The following PKD1L1 variants were observed in gnomAD, a reference collection of about 807,000 sequenced individuals.
PKD1L1 encodes polycystin-1-like protein 1.
A neutral mutation model predicts 323.4 loss-of-function variants in PKD1L1; 236 were observed. The ratio of observed to expected loss-of-function variants is 0.73; its 90% CI spans 0.66 to 0.81. PKD1L1 has a LOEUF of 0.81. Ranked by LOEUF, PKD1L1 falls within the 40% of genes least tolerant of loss-of-function variation. The probability of loss-of-function intolerance (pLI) is 0.00; values close to 1 mark genes in which losing one functional copy is unlikely to be tolerated. For synonymous variants in PKD1L1, 1,344 were observed against 1,335.0 expected, an observed-to-expected ratio of 1.01 and a Z score of -0.15; for missense variants, 3,320 against 3,508.0, an observed-to-expected ratio of 0.95 and a Z score of 1.35.
At position 47,800,824 on chromosome 7, in the gene PKD1L1, G is replaced by A. The variant is rs552515838; in HGVS notation, c.8018C>T (p.Ser2673Phe). The A allele has an allele frequency of 7.4e-6, 12 of 1,614,146 alleles. No individual in the cohort carries two copies. The East Asian group carries it at 1.6e-4, about 21-fold the overall frequency. ...ALSHLHRFLL[S>F]MWVLPPGTFT... is the part of the protein sequence containing the mutation. ...GGTGCCAGGTGGTAGAACCCACATA[G>A]AGAGCAGAAATCGGTGCAGGTGGGA... The change falls in exon 54 of 57, where the codon TCT becomes TTT. Residue 2673 changes from serine to phenylalanine, a missense_variant. Ser to Phe is a radical substitution (Grantham distance 155). Coordinates refer to ENST00000289672, the MANE Select transcript of PKD1L1 (RefSeq NM_138295.5).
the PKD1L1 span, among the ~76,000 whole-genome samples, chr7:47,953,989 C>T: frequency 1.3e-5 from 2 of 152,228 alleles, no homozygotes; most frequent in East Asian, 1.9e-4. Context: ...AGGAAGATAA[C>T]CAAAAAGATA....
intron 45 of PKD1L1, among the ~76,000 whole-genome samples, chr7:47,824,942 G>A (rs779306752): frequency 3.9e-5 from 6 of 152,206 alleles, no homozygotes; most frequent in Non-Finnish European, 8.8e-5. Context: ...TACTGTGTCT[G>A]TAAGAGTGAT....
intron 3 of PKD1L1, 69 bp from the exon 4 acceptor site, chr7:47,937,027 A>G: frequency 8.2e-7 from 1 of 1,219,734 alleles, no homozygotes. Context: ...TGGGAAAGTA[A>G]TATTACTTCA....
chr7:47,803,164 C>G, intron 53 of PKD1L1, 46 bp downstream of exon 53: 1 of 1,611,012 alleles, frequency 6.2e-7, no homozygotes, highest in African/African-American at 1.3e-5. Flanking sequence ...GTACACAGAT[C>G]AATGGTTTAC....
the PKD1L1 span, among the ~76,000 whole-genome samples, chr7:47,960,241 G>A: frequency 1.0e-4 from 15 of 149,672 alleles, no homozygotes; most frequent in East Asian, 1.4e-3. Context: ...GCGGAAGGCC[G>A]CAGGGTCCTC....
chr7:47,812,196 G>T, intron 49 of PKD1L1, 145 bp from the exon 50 acceptor site: 1 of 649,746 alleles, frequency 1.5e-6, no homozygotes, highest in Non-Finnish European at 2.7e-6. Context: ...CAAGGGGCAG[G>T]ACAGATGGCC....
In PKD1L1 at chr7:47,858,799, G is replaced by T; in HGVS notation, c.4236C>A (p.Asp1412Glu). 6.2e-7 allele frequency: 1 copy of T among 1,614,156 alleles called. No homozygotes were observed. Among genetic ancestry groups the T allele is most frequent in the African/African-American group, 1.3e-5 (1 of 75,020 alleles). The change falls in exon 27 of 57, where the codon GAC becomes GAA. Residue 1412 changes from aspartate (D) to glutamate (E), a missense_variant. Transcript: ENST00000289672. ...CGATGAGCTCAAGCCTCACTCCTTT[G>T]TCAATCACAAATGGCCCCGAGAACT... ...QGQFSGPFVI[D>E]KGVRLELIGL...
At chr7:47,825,414 T>C (rs1201737408) in intron 45 of PKD1L1, among the ~76,000 whole-genome samples, 1 of 151,688 alleles carries the variant, frequency 6.6e-6, no homozygotes, top group East Asian at 1.9e-4. Context: ...GCCTGCAATC[T>C]CAGCTACTTG....
chr7:47,921,915 CT>C (rs1028335123), intron 7 of PKD1L1, among the ~76,000 whole-genome samples: 9 of 151,204 alleles, frequency 6.0e-5, no homozygotes, highest in Non-Finnish European at 1.2e-4. Flanking sequence ...CCCTTTCCCC[CT>C]CTCCCTCTCC....
chr7:47,865,163 C>A, intron 26 of PKD1L1, 53 bp downstream of exon 26: 1 of 1,296,664 alleles, frequency 7.7e-7, no homozygotes, highest in Non-Finnish European at 1.1e-6. Context: ...CTGATCATGT[C>A]CCTCAAAACT....
chr7:47,934,421 C>T (rs576352708), intron 4 of PKD1L1, among the ~76,000 whole-genome samples: 7 of 152,354 alleles, frequency 4.6e-5, no homozygotes, highest in Admixed American at 2.0e-4. Context: ...GTACTTCCAA[C>T]GGCATGTCAA....
intron 52 of PKD1L1, among the ~76,000 whole-genome samples, chr7:47,806,798 G>A (rs766514122): frequency 5.9e-5 from 9 of 152,344 alleles, no homozygotes; most frequent in South Asian, 2.1e-4. Context: ...TGCAATATCC[G>A]GAGATAAGGA....
Position 47,844,260 on chromosome 7 carries a change from G to A in PKD1L1, c.5237+735C>T, listed in dbSNP as rs115740556. Among the ~76,000 whole-genome samples, 636 of 152,208 alleles carry A rather than the reference G, an allele frequency of 4.2e-3. 4 individuals are homozygous for A. The highest frequency in any genetic ancestry group is 0.015 in the African/African-American group (606 of 41,520). ...TCATATCTTATTTACTAATTATCTG[G>A]TCCACCAACTAGTCTATAAAGTAAT... On this transcript the variant is annotated intron_variant, in intron 33 of 56. Transcript: ENST00000289672.
the PKD1L1 span, among the ~76,000 whole-genome samples, chr7:47,959,929 G>T: frequency 6.6e-6 from 1 of 151,908 alleles, no homozygotes; most frequent in East Asian, 2.0e-4. Flanking sequence ...GAATAGAAAG[G>T]GGGGAAAGGC....
intron 19 of PKD1L1, among the ~76,000 whole-genome samples, chr7:47,882,439 T>A (rs1195578710): frequency 6.6e-6 from 1 of 151,808 alleles, no homozygotes; most frequent in African/African-American, 2.4e-5. Context: ...AGTGAGGCAG[T>A]CCAAAAAATA....
intron 15 of PKD1L1, among the ~76,000 whole-genome samples, chr7:47,892,257 T>C (rs1471581241): frequency 1.3e-5 from 2 of 152,142 alleles, no homozygotes; most frequent in Non-Finnish European, 2.9e-5. Context: ...AAGGCGGTGA[T>C]GGCAGATGTT....
At chr7:47,822,520 G>A (rs1271424035) in intron 45 of PKD1L1, among the ~76,000 whole-genome samples, 2 of 150,760 alleles carry the variant, frequency 1.3e-5, no homozygotes, top group South Asian at 2.1e-4. Context: ...GCTCAAACTC[G>A]GGAGGCGGAG....
At chr7:47,938,622 G>C (rs927746427) in intron 3 of PKD1L1, among the ~76,000 whole-genome samples, 18 of 152,220 alleles carry the variant, frequency 1.2e-4, no homozygotes, top group Non-Finnish European at 2.2e-4. Context: ...TGGGGCTGTA[G>C]AGAGCAGAGC....
chr7:47,898,290 C>A (rs1787004555), intron 13 of PKD1L1, 96 bp from the exon 14 acceptor site: 1 of 1,052,128 alleles, frequency 9.5e-7, no homozygotes, highest in East Asian at 2.6e-5. Flanking sequence ...GTAGATCTCC[C>A]ATTATTTGTT....
Sources: gnomAD v4.1 joint callset for allele counts (sites outside exome capture counted in the v4.1 genomes callset) on GRCh38, gnomAD v4.1.1 for gene constraint, MANE v1.5 for transcripts, NCBI Gene and HGNC (gene_info 2026-07-23, HGNC 2026-07-21) for gene names.